The following NUP214 variants were observed in gnomAD, a reference collection of about 807,000 sequenced individuals.
NUP214 encodes the protein nucleoporin 214, also known as nuclear pore complex protein Nup214.
A neutral mutation model predicts 196.2 loss-of-function variants in NUP214; 79 were observed. The ratio of observed to expected loss-of-function variants is 0.40; its 90% CI spans 0.34 to 0.49. NUP214 has a LOEUF of 0.49. NUP214 is among the 20% of genes least tolerant of loss of function. NUP214 has a pLI of 0.58. For synonymous variants in NUP214, 1,020 were observed against 990.5 expected, an observed-to-expected ratio of 1.03 and a Z score of -0.56; for missense variants, 2,468 against 2,539.0, an observed-to-expected ratio of 0.97 and a Z score of 0.60.
intron 17 of NUP214, among the ~76,000 whole-genome samples, chr9:131,156,768 C>T (rs1355079917): frequency 3.3e-5 from 5 of 152,056 alleles, no homozygotes; most frequent in African/African-American, 9.7e-5. Context: ...ATCATAACAT[C>T]GGCAAACAGC....
At chr9:131,128,807 TAGTG>T in intron 3 of NUP214, 2 of 289,858 alleles carry the variant, frequency 6.9e-6, no homozygotes, top group Non-Finnish European at 1.3e-5. Flanking sequence ...ATGATAATAA[TAGTG>T]AGTGTTTATA....
At position 131,147,535 on chromosome 9, in the gene NUP214, A is replaced by G; in HGVS notation, c.1991A>G (p.Gln664Arg). 6.2e-7 allele frequency: 1 copy of G among 1,614,214 alleles called. No homozygotes were observed. The highest frequency in any genetic ancestry group is 8.5e-7 in the Non-Finnish European group (1 of 1,180,024). ...TCAAGCCCAGTGCCCTCAATGGTAC[A>G]GAAATCACCCAGGATAACCCCTCCA... ...GSSSPVPSMV[Q>R]KSPRITPPAA... Residue 664 changes from glutamine (Q) to arginine (R), a missense_variant, in exon 14 of 36, where the codon CAG becomes CGG. Around this residue, in one of 5 missense-constraint regions of NUP214, gnomAD observed 1,801 missense variants for 1,779.4 expected, o/e 1.01. Coordinates refer to ENST00000359428, the MANE Select transcript of NUP214 (RefSeq NM_005085.4).
chr9:131,172,852 T>G (rs1019555404), intron 21 of NUP214, among the ~76,000 whole-genome samples: 3 of 152,176 alleles, frequency 2.0e-5, no homozygotes, highest in Admixed American at 2.0e-4. Flanking sequence ...AATAAATATT[T>G]GCAGAGCCAT....
chr9:131,132,531 A>G, intron 5 of NUP214, 65 bp from the exon 6 acceptor site: 1 of 1,371,792 alleles, frequency 7.3e-7, no homozygotes, highest in Non-Finnish European at 1.0e-6. Context: ...ATTAGATTTG[A>G]CAGTTTGATT....
In NUP214 at chr9:131,159,647, C is replaced by A. The variant is rs540907035; in HGVS notation, c.2540+161C>A. On this transcript the variant is annotated intron_variant, in intron 18 of 35. Transcript: ENST00000359428. ...CCGAGGCGAGTGGATCACCTGAGAT[C>A]GGGAGTTCGAGACCAGCCTGACCAA... Among the ~76,000 whole-genome samples, 3 of 152,154 alleles carry A rather than the reference C, an allele frequency of 2.0e-5. No individual in the cohort carries two copies. The South Asian group carries it at 6.2e-4, about 32-fold the overall frequency.
At chr9:131,201,563 CA>C (rs56349054) in intron 29 of NUP214, 83 bp from the exon 30 acceptor site, 3,777 of 919,974 alleles carry the variant, frequency 4.1e-3, no homozygotes, top group East Asian at 5.1e-3. Flanking sequence ...GACTCTGCCT[CA>C]AAAAAAAAAA....
Position 131,195,292 on chromosome 9 carries a change from A to G in NUP214, c.3719A>G (p.Gln1240Arg), listed in dbSNP as rs200978704. ...PTPSSNFTAA[Q>R]GATPSTKESS... ...CCGTCTTCTAATTTCACTGCTGCAC[A>G]AGGTACAGACTCTGTGTTGAGTAGC... Residue 1240 changes from glutamine (Q) to arginine (R), a missense_variant and splice_region_variant, in exon 28 of 36, where the codon CAA (glutamine) becomes CGA (arginine). Gln to Arg is a conservative substitution (Grantham distance 43). This residue lies in a region of NUP214 where 1,801 missense variants were observed against 1,779.4 expected (regional missense o/e 1.01). Transcript: ENST00000359428. 5 of 1,612,422 alleles carry G rather than the reference A, an allele frequency of 3.1e-6. No individual in the cohort carries two copies. Among genetic ancestry groups the G allele is most frequent in the Non-Finnish European group, 4.2e-6 (5 of 1,178,430 alleles).
In NUP214 at chr9:131,164,206, T is replaced by C. The variant is rs558482251; in HGVS notation, c.2893+62T>C. ...TAGGGTGTGGTGGGGTGTGTGTGTG[T>C]GCGCGCGCACATGCACGTGTGCATG... On this transcript the variant is annotated intron_variant, in intron 21 of 35. Transcript: ENST00000359428. 771 of 1,440,354 alleles carry C rather than the reference T, an allele frequency of 5.4e-4. 5 individuals are homozygous for C. The African/African-American group carries it at 8.5e-3, about 16-fold the overall frequency. The allele number at this position is 1,440,354 out of a possible 1,614,324, so 89.2% of individuals were successfully genotyped here.
intron 18 of NUP214, among the ~76,000 whole-genome samples, chr9:131,160,147 A>G (rs936626301): frequency 6.6e-6 from 1 of 152,108 alleles, no homozygotes; most frequent in African/African-American, 2.4e-5. Context: ...TATTGAATAC[A>G]TATTCTATGT....
At chr9:131,192,136 A>G (rs1432321527) in intron 26 of NUP214, 72 bp from the exon 27 acceptor site, 4 of 1,021,028 alleles carry the variant, frequency 3.9e-6, no homozygotes, top group Non-Finnish European at 5.5e-6. Flanking sequence ...GGAATTATAC[A>G]CTGGAACAGT....
At chr9:131,227,995 G>A (rs1467690456) in intron 32 of NUP214, among the ~76,000 whole-genome samples, 165 bp from the exon 33 acceptor site, 7 of 135,080 alleles carry the variant, frequency 5.2e-5, no homozygotes, top group African/African-American at 8.1e-5. Flanking sequence ...CGGGGGGGAG[G>A]GGGGGTGTTG....
Position 131,192,195 on chromosome 9 carries a change from T to TTTTTA in NUP214, c.3575-13_3575-12insTTTTA. ...TTTTTTTTTTTTTTTTTTTTTTTTT[T>TTTTTA]CCATAATTTCAGGGACAGCCAAGAT... On this transcript the variant is annotated splice_polypyrimidine_tract_variant and intron_variant, in intron 26 of 35. Coordinates refer to ENST00000359428, the MANE Select transcript of NUP214 (RefSeq NM_005085.4). 1 of 1,224,628 alleles carries TTTTTA rather than the reference T, an allele frequency of 8.2e-7. No individual in the cohort carries two copies. The highest frequency in any genetic ancestry group is 1.1e-6 in the Non-Finnish European group (1 of 877,356). The allele number at this position is 1,224,628 out of a possible 1,614,324, so 75.9% of individuals were successfully genotyped here.
intron 3 of NUP214, among the ~76,000 whole-genome samples, chr9:131,129,005 A>G (rs1192579710): frequency 1.3e-5 from 2 of 152,188 alleles, no homozygotes; most frequent in South Asian, 4.1e-4. Flanking sequence ...ATTTTAATCT[A>G]TTGTCTGCTA....
chr9:131,198,507 G>T lies in NUP214; in HGVS notation c.5013G>T (p.Thr1671=). ...TNNTATAPSA[T]PVFGQVAAST... ...ACACAGCCACTGCCCCCTCTGCCAC[G>T]CCCGTGTTTGGGCAAGTGGCAGCCA... The change falls in exon 29 of 36, where the codon ACG becomes ACT. Residue 1671 remains threonine (T), a synonymous_variant. Coordinates refer to ENST00000359428, the MANE Select transcript of NUP214 (RefSeq NM_005085.4). 6.2e-7 allele frequency: 1 copy of T among 1,614,192 alleles called. No individual in the cohort carries two copies. Among genetic ancestry groups the T allele is most frequent in the Non-Finnish European group, 8.5e-7 (1 of 1,180,038 alleles).
chr9:131,135,854 C>G (rs1287812912), intron 8 of NUP214, 86 bp from the exon 9 acceptor site: 1 of 949,362 alleles, frequency 1.1e-6, no homozygotes. Flanking sequence ...GTGGAGGCAG[C>G]CCTCACAGGT....
chr9:131,140,656 A>G lies in NUP214; in HGVS notation c.1240A>G (p.Ile414Val). 6.2e-7 allele frequency: 1 copy of G among 1,614,112 alleles called. No homozygotes were observed. Among genetic ancestry groups the G allele is most frequent in the Non-Finnish European group, 8.5e-7 (1 of 1,179,992 alleles). The change falls in exon 11 of 36, where the codon ATC (isoleucine) becomes GTC (valine). Residue 414 changes from isoleucine to valine, a missense_variant. Ile to Val is a conservative substitution (Grantham distance 29). This residue lies in a region of NUP214 where 1,801 missense variants were observed against 1,779.4 expected (regional missense o/e 1.01). Transcript: ENST00000359428. ...INQNPGVKSL[I>V]KTPERLSLEG... ...TCAAAATCCTGGGGTTAAGTCTCTC[A>G]TCAAAACACCAGAGCGACTTTCATT...
intron 21 of NUP214, chr9:131,164,430 A>T: frequency 2.6e-6 from 1 of 383,152 alleles, no homozygotes; most frequent in Non-Finnish European, 4.8e-6. Flanking sequence ...TATGGCACTG[A>T]TTCACAAGGG....
intron 30 of NUP214, among the ~76,000 whole-genome samples, chr9:131,203,969 A>T (rs1255993188): frequency 6.6e-6 from 1 of 152,234 alleles, no homozygotes; most frequent in African/African-American, 2.4e-5. Flanking sequence ...CCATGTTGAC[A>T]GGTCTCAGCC....
chr9:131,189,105 A>G lies in NUP214; in HGVS notation c.3548A>G (p.Gln1183Arg). 1 of 1,614,106 alleles carries G rather than the reference A, an allele frequency of 6.2e-7. No homozygotes were observed. The highest frequency in any genetic ancestry group is 1.1e-5 in the South Asian group (1 of 91,078). Residue 1183 changes from glutamine (Q) to arginine (R), a missense_variant, in exon 26 of 36, where the codon CAG (glutamine) becomes CGG (arginine). Physicochemically the swap from Gln to Arg is conservative, Grantham distance 43 (BLOSUM62 1). This residue lies in a region of NUP214 where 1,801 missense variants were observed against 1,779.4 expected (regional missense o/e 1.01). Transcript: ENST00000359428. ...TCTGGGCCTACACCAGCATCCGGTC[A>G]GTTATCATCTGGTGACAAAGCTTCA... ...KPSGPTPASGQLSSGDKASGT... is the reference protein window; with the variant it reads ...KPSGPTPASGRLSSGDKASGT...
Sources: allele counts gnomAD v4.1 joint callset (sites outside exome capture counted in the v4.1 genomes callset), GRCh38; gene constraint gnomAD v4.1.1; regional missense constraint gnomAD v4.1.1; transcripts MANE v1.5; gene names NCBI Gene and HGNC (gene_info 2026-07-23, HGNC 2026-07-21).